The following SLC24A3 variants were observed in gnomAD, a reference collection of about 807,000 sequenced individuals.
SLC24A3 encodes solute carrier family 24 member 3.
In SLC24A3, 28 loss-of-function variants were observed where a neutral mutation model predicts 75.8. That is an observed-to-expected ratio of 0.37 (90% CI 0.27 to 0.51). SLC24A3 has a LOEUF of 0.51. Ranked by LOEUF, SLC24A3 falls within the 20% of genes least tolerant of loss-of-function variation. The probability of loss-of-function intolerance (pLI) is 0.94; values close to 1 mark genes in which losing one functional copy is unlikely to be tolerated. For synonymous variants in SLC24A3, 372 were observed against 334.1 expected, an observed-to-expected ratio of 1.11 and a Z score of -1.24; for missense variants, 663 against 847.8, an observed-to-expected ratio of 0.78 and a Z score of 2.71.
chr20:19,509,575 C>A (rs748171158), intron 2 of SLC24A3, among the ~76,000 whole-genome samples: 2 of 152,266 alleles, frequency 1.3e-5, no homozygotes, highest in African/African-American at 2.4e-5. Flanking sequence ...ACCTGCAAGG[C>A]ACCAGAGTGT....
chr20:19,259,437 C>A (rs375243217), intron 1 of SLC24A3, among the ~76,000 whole-genome samples: 1 of 152,180 alleles, frequency 6.6e-6, no homozygotes, highest in Non-Finnish European at 1.5e-5. Flanking sequence ...GGTGACAGTT[C>A]AGGACCAGAG....
intron 8 of SLC24A3, among the ~76,000 whole-genome samples, chr20:19,668,085 TG>T (rs11479186): frequency 0.21 from 31,224 of 151,994 alleles, 4,136 homozygotes; most frequent in African/African-American, 0.38. Flanking sequence ...AGAATTGGCC[TG>T]GGGGGGCCTT....
intron 6 of SLC24A3, among the ~76,000 whole-genome samples, chr20:19,635,294 A>G (rs962385027): frequency 3.9e-5 from 6 of 152,218 alleles, no homozygotes; most frequent in Non-Finnish European, 7.3e-5. Context: ...GATCCAGAGT[A>G]TGGAAATCCT....
At chr20:19,263,241 T>G (rs1215590020) in intron 1 of SLC24A3, among the ~76,000 whole-genome samples, 1 of 152,070 alleles carries the variant, frequency 6.6e-6, no homozygotes, top group East Asian at 1.9e-4. Context: ...CATGTGGCTT[T>G]GGAGAGAGAA....
At chr20:19,376,714 A>G in intron 2 of SLC24A3, among the ~76,000 whole-genome samples, 1 of 151,530 alleles carries the variant, frequency 6.6e-6, no homozygotes, top group Admixed American at 6.6e-5. Flanking sequence ...AGCTGACTCC[A>G]TTTGTCTGAG....
intron 2 of SLC24A3, among the ~76,000 whole-genome samples, chr20:19,426,230 C>T (rs753948015): frequency 5.3e-5 from 8 of 152,138 alleles, no homozygotes; most frequent in Non-Finnish European, 7.3e-5. Flanking sequence ...CTTATTTGTG[C>T]TCTGTATTAC....
At chr20:19,459,098 C>A (rs1987627549) in intron 2 of SLC24A3, among the ~76,000 whole-genome samples, 1 of 152,166 alleles carries the variant, frequency 6.6e-6, no homozygotes, top group South Asian at 2.1e-4. Context: ...CAGCACCTAC[C>A]TGTGGGGACT....
chr20:19,662,890 A>C (rs781206904), intron 7 of SLC24A3, among the ~76,000 whole-genome samples: 9 of 152,228 alleles, frequency 5.9e-5, no homozygotes, highest in Admixed American at 2.6e-4. Context: ...ATGCTCCATC[A>C]AGATGGTCCA....
At chr20:19,381,642 A>G (rs1401977372) in intron 2 of SLC24A3, among the ~76,000 whole-genome samples, 1 of 152,236 alleles carries the variant, frequency 6.6e-6, no homozygotes, top group Non-Finnish European at 1.5e-5. Context: ...GGAGATGAGC[A>G]GCTCTGATAG....
At position 19,603,007 on chromosome 20, in the gene SLC24A3, G is replaced by A. The variant is rs377239479; in HGVS notation, c.612+17463G>A. On this transcript the variant is annotated intron_variant, in intron 6 of 16. Transcript: ENST00000328041. ...ATGTTCACGGTGCATGTGGAGTTAA[G>A]TCCTAGTAAAACAAGTCAGGGTTTC... Among the ~76,000 whole-genome samples the A allele has an allele frequency of 2.2e-4, 33 of 152,312 alleles. 1 individual carries two copies. In the South Asian group the frequency reaches 6.4e-3, roughly 30 times the overall value.
intron 2 of SLC24A3, among the ~76,000 whole-genome samples, chr20:19,440,792 A>G (rs557373699): frequency 6.6e-6 from 1 of 152,176 alleles, no homozygotes; most frequent in Admixed American, 6.5e-5. Context: ...GGGTTCTGCC[A>G]GGCATCTGGA....
intron 12 of SLC24A3, 131 bp downstream of exon 12, chr20:19,685,492 A>C: frequency 1.4e-5 from 20 of 1,399,462 alleles, no homozygotes; most frequent in East Asian, 2.3e-5. Context: ...TATGTATATC[A>C]AGTCTCCTTT....
At chr20:19,233,036 C>T (rs139304255) in intron 1 of SLC24A3, among the ~76,000 whole-genome samples, 1 of 152,320 alleles carries the variant, frequency 6.6e-6, no homozygotes, top group African/African-American at 2.4e-5. Flanking sequence ...CACATCATGA[C>T]CTTTACTTTT....
chr20:19,495,073 G>C (rs779443023), intron 2 of SLC24A3, among the ~76,000 whole-genome samples: 1 of 152,180 alleles, frequency 6.6e-6, no homozygotes, highest in South Asian at 2.1e-4. Context: ...CTGCCTTGAG[G>C]CAGGAGCTGG....
At chr20:19,557,031 A>G (rs1416064348) in intron 3 of SLC24A3, among the ~76,000 whole-genome samples, 1 of 152,160 alleles carries the variant, frequency 6.6e-6, no homozygotes, top group Admixed American at 6.5e-5. Flanking sequence ...CCACAGCCCC[A>G]GCCCTTTGGA....
chr20:19,499,688 A>C (rs1196061983), intron 2 of SLC24A3, among the ~76,000 whole-genome samples: 2 of 152,188 alleles, frequency 1.3e-5, no homozygotes, highest in African/African-American at 4.8e-5. Flanking sequence ...GGATTTCAAC[A>C]TATGAATTTG....
chr20:19,663,411 T>A (rs1568689505), intron 7 of SLC24A3, among the ~76,000 whole-genome samples: 13 of 4,678 alleles, frequency 2.8e-3, no homozygotes, highest in Admixed American at 4.7e-3. Context: ...CTCCTCCACC[T>A]CCTCCTCCTC....
At chr20:19,592,941 G>A (rs2031400310) in intron 6 of SLC24A3, among the ~76,000 whole-genome samples, 1 of 151,858 alleles carries the variant, frequency 6.6e-6, no homozygotes, top group Admixed American at 6.6e-5. Flanking sequence ...GATTACAGGT[G>A]CCTGCCACCA....
At chr20:19,225,809 G>A (rs1981854023) in intron 1 of SLC24A3, among the ~76,000 whole-genome samples, 1 of 152,102 alleles carries the variant, frequency 6.6e-6, no homozygotes, top group Non-Finnish European at 1.5e-5. Flanking sequence ...CTATACAGAT[G>A]TACAATAGTT....
Sources: allele counts gnomAD v4.1 joint callset (sites outside exome capture counted in the v4.1 genomes callset), GRCh38; gene constraint gnomAD v4.1.1; transcripts MANE v1.5; gene names NCBI Gene and HGNC (gene_info 2026-07-23, HGNC 2026-07-21).